APBA2: variants seen among roughly 807,000 people sequenced by gnomAD.
APBA2 encodes the protein amyloid beta precursor protein binding family A member 2.
In APBA2, 30 loss-of-function variants were observed where a neutral mutation model predicts 75.0. The observed-to-expected ratio is 0.40, with a 90% CI of 0.30 to 0.54. The LOEUF is 0.54. Ranked by LOEUF, APBA2 falls within the 20% of genes least tolerant of loss-of-function variation. APBA2 has a pLI of 0.49. For missense variants in APBA2, 801 were observed against 1,016.1 expected (o/e 0.79, Z 2.88); for synonymous variants, 444 against 409.6 (o/e 1.08, Z -1.01).
At chr15:29,005,882 A>C (rs553821560) in intron 3 of APBA2, among the ~76,000 whole-genome samples, 35 of 152,208 alleles carry the variant, frequency 2.3e-4, no homozygotes, top group African/African-American at 8.4e-4. Flanking sequence ...TAAATAAATA[A>C]ATAAATAAAT....
intron 2 of APBA2, among the ~76,000 whole-genome samples, chr15:28,979,938 G>A (rs1393486198): frequency 6.6e-6 from 1 of 152,218 alleles, no homozygotes; most frequent in East Asian, 1.9e-4. Flanking sequence ...CTGATTGGTG[G>A]AGCAGGGCTT....
At chr15:28,954,599 C>T (rs924671092) in intron 2 of APBA2, among the ~76,000 whole-genome samples, 6 of 152,190 alleles carry the variant, frequency 3.9e-5, no homozygotes, top group South Asian at 2.1e-4. Flanking sequence ...TGTGCCACTC[C>T]AGACAGGAAG....
At chr15:28,914,440 C>T (rs1305718317) in intron 1 of APBA2, among the ~76,000 whole-genome samples, 1 of 152,130 alleles carries the variant, frequency 6.6e-6, no homozygotes, top group African/African-American at 2.4e-5. Flanking sequence ...GGTTTGGGGC[C>T]ATCTTGCACA....
intron 2 of APBA2, among the ~76,000 whole-genome samples, chr15:28,988,461 G>A (rs55808129): frequency 1.3e-5 from 2 of 150,560 alleles, no homozygotes; most frequent in African/African-American, 2.4e-5. Context: ...ACGAGGTTTC[G>A]CCATGTTGGC....
chr15:29,111,908 G>T (rs532466455), intron 13 of APBA2, among the ~76,000 whole-genome samples: 3 of 152,274 alleles, frequency 2.0e-5, no homozygotes, highest in African/African-American at 7.2e-5. Context: ...TCTGGTCCAA[G>T]CCCCTCGTCC....
At chr15:29,048,076 C>T (rs991704432) in intron 3 of APBA2, among the ~76,000 whole-genome samples, 5 of 152,104 alleles carry the variant, frequency 3.3e-5, no homozygotes, top group Admixed American at 1.3e-4. Flanking sequence ...GGCCGGGGCA[C>T]GGTGGCTCAC....
rs373422105 is a variant in APBA2, at chr15:29,085,252, G to A, written c.1070-7823G>A. On this transcript the variant is annotated intron_variant, in intron 6 of 14. Coordinates refer to ENST00000683413, the MANE Select transcript of APBA2 (RefSeq NM_001353788.2). ...TTAAAAATTAATGAGTTGGCTGGGC[G>A]CAGTGGCTCATGCCTGTAATCCCAG... Among the ~76,000 whole-genome samples the A allele has an allele frequency of 2.4e-4, 37 of 152,172 alleles. 1 individual carries two copies. The South Asian group carries it at 2.9e-3, about 12-fold the overall frequency.
intron 2 of APBA2, among the ~76,000 whole-genome samples, chr15:28,947,987 G>A (rs1203346372): frequency 6.6e-6 from 1 of 152,202 alleles, no homozygotes; most frequent in Non-Finnish European, 1.5e-5. Context: ...GCCAAGTCGT[G>A]GCTCTAGGTT....
rs752901215 is a variant in APBA2 at position 29,054,510 on chromosome 15, C to T, written c.626C>T (p.Pro209Leu). 8 of 1,613,452 alleles carry T rather than the reference C, an allele frequency of 5.0e-6. No homozygotes were observed. In the African/African-American group the frequency reaches 8.0e-5, roughly 16 times the overall value. ...GCCAACGGGAACACCGGCGCCTCCC[C>T]CTACCGCCTGAGGCGTGGGGATGGG... ...EEANGNTGAS[P>L]YRLRRGDGDL... Residue 209 changes from proline to leucine, a missense_variant, in exon 4 of 15, where the codon CCC becomes CTC. This residue lies in a region of APBA2 where 434 missense variants were observed against 471.6 expected (regional missense o/e 0.92). Transcript: ENST00000683413. This position sits in a 1 kb window ranked among gnomAD's most constrained non-coding sequence, Gnocchi z 6.1.
intron 6 of APBA2, among the ~76,000 whole-genome samples, chr15:29,078,147 T>G (rs545678445): frequency 1.3e-5 from 2 of 151,772 alleles, no homozygotes; most frequent in South Asian, 4.2e-4. Flanking sequence ...TACAAAAAAT[T>G]AGCCAGGCGT....
chr15:29,022,008 G>A (rs2152831263), intron 3 of APBA2, among the ~76,000 whole-genome samples: 1 of 152,288 alleles, frequency 6.6e-6, no homozygotes, highest in African/African-American at 2.4e-5. Flanking sequence ...TCCATTGTAA[G>A]TGTATACCAT....
rs1491265887 is a variant in APBA2 at position 29,117,913 on chromosome 15, C to CTCTT, written c.*782_*785dup. ...CAAGGAGGGCACAGGTGTCTGCCCC[C>CTCTT]TCTTTAAAATCGATCTACACACATC... On this transcript the variant is annotated 3_prime_UTR_variant, in exon 15 of 15. Transcript: ENST00000683413. The CTCTT allele has an allele frequency of 7.5e-6, 1 of 133,958 alleles. No homozygotes were observed. Among genetic ancestry groups the CTCTT allele is most frequent in the African/African-American group, 2.8e-5 (1 of 35,636 alleles). The allele number at this position is 133,958 out of a possible 1,614,324, so 8.3% of individuals were successfully genotyped here.
intron 3 of APBA2, among the ~76,000 whole-genome samples, chr15:29,050,893 G>A (rs1394778941): frequency 1.3e-5 from 2 of 152,224 alleles, no homozygotes. Context: ...AAACAGGGAT[G>A]CTGTAGAGAT....
At chr15:29,079,191 A>C (rs2042980778) in intron 6 of APBA2, among the ~76,000 whole-genome samples, 2 of 150,344 alleles carry the variant, frequency 1.3e-5, no homozygotes, top group Admixed American at 6.6e-5. Context: ...AGGCTCTTAG[A>C]CCAGATGGGT....
intron 14 of APBA2, among the ~76,000 whole-genome samples, 161 bp downstream of exon 14, chr15:29,114,177 G>A (rs2044912632): frequency 1.3e-5 from 2 of 152,254 alleles, no homozygotes; most frequent in Non-Finnish European, 2.9e-5. Flanking sequence ...GGAGCGGCAG[G>A]TGATGCGGAG....
chr15:29,013,717 G>A (rs1049749051), intron 3 of APBA2, among the ~76,000 whole-genome samples: 2 of 152,162 alleles, frequency 1.3e-5, no homozygotes, highest in African/African-American at 2.4e-5. Flanking sequence ...TCATAAAAGC[G>A]CTTGATGAAA....
intron 6 of APBA2, among the ~76,000 whole-genome samples, chr15:29,092,703 C>G (rs368160893): frequency 6.6e-6 from 1 of 152,126 alleles, no homozygotes; most frequent in East Asian, 1.9e-4. Flanking sequence ...TTTCAGGTCA[C>G]CAGCATGAGT....
At chr15:29,101,816 C>G in intron 10 of APBA2, 32 bp downstream of exon 10, 3 of 1,604,180 alleles carry the variant, frequency 1.9e-6, no homozygotes, top group Non-Finnish European at 2.6e-6. Flanking sequence ...CACTCCCCTC[C>G]CAAAGTTCAC....
chr15:29,088,862 G>A (rs999397048), intron 6 of APBA2, among the ~76,000 whole-genome samples: 2 of 152,102 alleles, frequency 1.3e-5, no homozygotes, highest in Non-Finnish European at 2.9e-5. Context: ...CCTAGGCCTC[G>A]GCAGTCCAGA....
Sources: allele counts gnomAD v4.1 joint callset (sites outside exome capture counted in the v4.1 genomes callset), GRCh38; gene constraint gnomAD v4.1.1; regional missense constraint gnomAD v4.1.1; non-coding constraint Gnocchi (gnomAD v3.1); transcripts MANE v1.5; gene names NCBI Gene and HGNC (gene_info 2026-07-23, HGNC 2026-07-21).